The following PDXDC1 variants were observed in gnomAD, a reference collection of about 807,000 sequenced individuals.
PDXDC1 encodes the protein pyridoxal dependent decarboxylase domain containing 1.
Under a neutral mutation model 100.1 loss-of-function variants are expected in PDXDC1, and 42 were observed. The observed-to-expected ratio is 0.42, with a 90% CI of 0.33 to 0.54. The LOEUF (loss-of-function observed/expected upper bound fraction) is 0.54. PDXDC1 is among the 20% of genes least tolerant of loss of function. PDXDC1 has a pLI of 0.10. For synonymous variants in PDXDC1, 260 were observed against 371.7 expected, an observed-to-expected ratio of 0.70 and a Z score of 3.46; for missense variants, 636 against 979.2, an observed-to-expected ratio of 0.65 and a Z score of 4.68.
chr16:15,056,971 C>T (rs2044547396), intron 16 of PDXDC1, among the ~76,000 whole-genome samples: 1 of 152,088 alleles, frequency 6.6e-6, no homozygotes, highest in Non-Finnish European at 1.5e-5. Flanking sequence ...GAGGACAGGT[C>T]CCCAAGGTGA....
intron 16 of PDXDC1, among the ~76,000 whole-genome samples, chr16:15,101,458 A>T (rs2046546497): frequency 6.6e-6 from 1 of 152,154 alleles, no homozygotes; most frequent in African/African-American, 2.4e-5. Context: ...CTGGAATTAC[A>T]GGTGTGCACT....
At chr16:15,071,559 G>A (rs1245939685) in intron 16 of PDXDC1, among the ~76,000 whole-genome samples, 6 of 152,180 alleles carry the variant, frequency 3.9e-5, no homozygotes, top group Non-Finnish European at 7.3e-5. Context: ...CCCAAGGTCA[G>A]GAGCTCGAGA....
At chr16:15,083,603 C>T (rs1597973046) in intron 16 of PDXDC1, 1 of 1,588,950 alleles carries the variant, frequency 6.3e-7, no homozygotes, top group East Asian at 2.2e-5. Context: ...AAAATTAAAT[C>T]AATCCATGTT....
intron 16 of PDXDC1, chr16:15,047,721 C>T: frequency 1.1e-6 from 1 of 909,002 alleles, no homozygotes; most frequent in South Asian, 1.4e-5. Context: ...ACCAGGGAGA[C>T]ACCATGCAGA....
chr16:15,061,814 G>T (rs755227377), intron 16 of PDXDC1: 2 of 1,614,146 alleles, frequency 1.2e-6, no homozygotes, highest in Non-Finnish European at 1.7e-6. Flanking sequence ...TCGGAAATGC[G>T]TGTCAAAGGA....
chr16:15,023,900 A>G (rs1487412307), intron 13 of PDXDC1, among the ~76,000 whole-genome samples: 1 of 152,294 alleles, frequency 6.6e-6, no homozygotes, highest in Non-Finnish European at 1.5e-5. Flanking sequence ...TGACTGTCAA[A>G]TGAAAGTATG....
chr16:15,126,981 T>G lies in PDXDC1; in HGVS notation c.1400-11898T>G, dbSNP rs1138171. 1,093 of 327,220 alleles carry G rather than the reference T, an allele frequency of 3.3e-3. 21 individuals carry two copies. Among genetic ancestry groups the G allele is most frequent in the South Asian group, 0.017 (669 of 39,406 alleles). The allele number at this position is 327,220 out of a possible 1,614,324, so 20.3% of individuals were successfully genotyped here. A position where few individuals can be genotyped will look rare whatever the true frequency, so the allele number is the denominator to read the frequency against. On this transcript the variant is annotated intron_variant, in intron 16 of 16. Coordinates refer to the PDXDC1 transcript ENST00000535621. Reference sequence around the variant, plus strand: ...TCCTTTTTAATGTTTTATATAGATGTGGTCTTGCTATGTTGCCCAGGCTGG... The same window carrying G: ...TCCTTTTTAATGTTTTATATAGATGGGGTCTTGCTATGTTGCCCAGGCTGG...
At chr16:15,005,003 G>C (rs576678135) in intron 5 of PDXDC1, among the ~76,000 whole-genome samples, 1 of 152,406 alleles carries the variant, frequency 6.6e-6, no homozygotes, top group South Asian at 2.1e-4. Flanking sequence ...CACAGATGCA[G>C]AACCCATAGG....
rs56353637 is a variant in PDXDC1, at chr16:15,020,111, C to CAAA, written c.1089+1172_1089+1174dup. Among the ~76,000 whole-genome samples the CAAA allele has an allele frequency of 8.5e-3, 774 of 90,656 alleles. 1 individual carries two copies. Among genetic ancestry groups the CAAA allele is most frequent in the Non-Finnish European group, 0.012 (641 of 53,292 alleles). The allele number at this position is 90,656 out of a possible 152,430, so 59.5% of individuals were successfully genotyped here. A position where few individuals can be genotyped will look rare whatever the true frequency, so the allele number is the denominator to read the frequency against. On this transcript the variant is annotated intron_variant, in intron 12 of 22. Coordinates refer to ENST00000396410, the MANE Select transcript of PDXDC1 (RefSeq NM_015027.4). ...TGGGTGACAGAGCGAGGCTCCGTCTCAAAAAAAAAAAAAAAAAAAAAAAAA... is the reference window on the plus strand; with the variant it reads ...TGGGTGACAGAGCGAGGCTCCGTCTCAAAAAAAAAAAAAAAAAAAAAAAAAAAA...
chr16:15,000,132 A>T (rs996211991), intron 3 of PDXDC1, among the ~76,000 whole-genome samples: 4 of 152,290 alleles, frequency 2.6e-5, no homozygotes, highest in African/African-American at 9.6e-5. Flanking sequence ...AGGCCTACTG[A>T]TGGAAACCAA....
intron 16 of PDXDC1, chr16:15,060,226 G>A (rs1239854714): frequency 1.4e-5 from 5 of 362,442 alleles, no homozygotes; most frequent in East Asian, 8.9e-5. Flanking sequence ...GGGGAATTTC[G>A]TTTACTCGTT....
chr16:15,144,210 ACAGGCAGCAGTGCCACCCC>A (rs1419083162), downstream of PDXDC1, among the ~76,000 whole-genome samples: 6 of 152,078 alleles, frequency 3.9e-5, no homozygotes, highest in Non-Finnish European at 8.8e-5. Context: ...AGGACAGGGG[ACAGGCAGCAGTGCCACCCC>A]CACTGTGGCC....
At chr16:15,094,196 T>C (rs2046259941) in intron 16 of PDXDC1, 1 of 1,600,432 alleles carries the variant, frequency 6.2e-7, no homozygotes, top group African/African-American at 1.3e-5. Context: ...AGCGGCCGCA[T>C]CTCCCGGCAA....
rs544030023 is a variant in PDXDC1 at position 15,130,605 on chromosome 16, T to C, written c.1400-8274T>C. On this transcript the variant is annotated intron_variant, in intron 16 of 16. Coordinates refer to the PDXDC1 transcript ENST00000535621. ...AATGCTGACCCATGATGCCCTGCCC[T>C]GCCCTGCCAGGCCGGCCCGCAGAGC... 6.7e-4 allele frequency: 923 copies of C among 1,374,864 alleles called. 4 individuals are homozygous for C. The African/African-American group carries it at 0.012, about 18-fold the overall frequency. The allele number at this position is 1,374,864 out of a possible 1,614,324, so 85.2% of individuals were successfully genotyped here.
At chr16:15,038,495 G>A, downstream of PDXDC1, 2 of 830,566 alleles carry the variant, frequency 2.4e-6, no homozygotes, top group Non-Finnish European at 4.0e-6. Flanking sequence ...GCTATGACCT[G>A]GTCTAAACCC....
intron 8 of PDXDC1, chr16:15,010,460 G>A (rs1302008509): frequency 6.5e-6 from 1 of 154,536 alleles, no homozygotes; most frequent in Non-Finnish European, 1.5e-5. Context: ...TACCAGTCTG[G>A]GTAACATAGC....
At chr16:15,032,050 A>G (rs559912196) in intron 17 of PDXDC1, 144 bp downstream of exon 17, 1 of 747,708 alleles carries the variant, frequency 1.3e-6, no homozygotes, top group African/African-American at 1.7e-5. Flanking sequence ...TTTTCTGGGC[A>G]TTTACAAAAG....
At chr16:15,030,390 C>G (rs1356906583) in intron 16 of PDXDC1, among the ~76,000 whole-genome samples, 1 of 151,970 alleles carries the variant, frequency 6.6e-6, no homozygotes, top group African/African-American at 2.4e-5. Flanking sequence ...ACTAAGAATA[C>G]AAAAAATTAG....
At chr16:15,063,414 T>G in intron 16 of PDXDC1, 4 of 762,858 alleles carry the variant, frequency 5.2e-6, no homozygotes, top group Non-Finnish European at 9.2e-6. Flanking sequence ...ATAATTACAT[T>G]TAAAAAAAAC....
Sources: gnomAD v4.1 joint callset for allele counts (sites outside exome capture counted in the v4.1 genomes callset) on GRCh38, gnomAD v4.1.1 for gene constraint, MANE v1.5 for transcripts, NCBI Gene and HGNC (gene_info 2026-07-23, HGNC 2026-07-21) for gene names.